The following NETO2 variants were observed in gnomAD, a reference collection of about 807,000 sequenced individuals.
The protein encoded by NETO2 is neuropilin and tolloid-like protein 2.
NETO2 carries 28 observed loss-of-function variants against 62.5 expected under a neutral mutation model. That is an observed-to-expected ratio of 0.45 (90% CI 0.33 to 0.61). The LOEUF (loss-of-function observed/expected upper bound fraction) is 0.61. NETO2 is among the 20% of genes least tolerant of loss of function. The pLI is 0.02. For missense variants in NETO2, 548 were observed against 643.2 expected (o/e 0.85, Z 1.60); for synonymous variants, 214 against 219.1 (o/e 0.98, Z 0.21).
chr16:47,129,551 G>C lies in NETO2; in HGVS notation c.92-187C>G, dbSNP rs140975696. On this transcript the variant is annotated intron_variant, in intron 2 of 8. Coordinates refer to ENST00000562435, the MANE Select transcript of NETO2 (RefSeq NM_018092.5). ...AAGAGAGGGAGGGAAAACTTGCTGG[G>C]AGAGGACAAGTTTGCCGTGTAAGAG... 1.5e-3 allele frequency among the ~76,000 whole-genome samples: 229 copies of C among 152,288 alleles called. 2 individuals are homozygous for C. Among genetic ancestry groups the C allele is most frequent in the African/African-American group, 5.3e-3 (220 of 41,560 alleles).
Position 47,122,670 on chromosome 16 carries a change from G to A in NETO2, c.641C>T (p.Thr214Ile), listed in dbSNP as rs749577712. The A allele has an allele frequency of 4.3e-6, 7 of 1,613,966 alleles. No homozygotes were observed. In the South Asian group the frequency reaches 4.4e-5, roughly 10 times the overall value. The change falls in exon 6 of 9, where the codon ACT (threonine) becomes ATT (isoleucine). Residue 214 changes from threonine (T) to isoleucine (I), a missense_variant. Coordinates refer to ENST00000562435, the MANE Select transcript of NETO2 (RefSeq NM_018092.5). ...AVDCIWTIKA[T>I]PKAKIYLRFL... ...ACATAATAATACCTTAGCTTTTGGA[G>A]TGGCTTTAATGGTCCAGATGCAATC...
chr16:47,135,342 A>C (rs1279132842), intron 1 of NETO2, among the ~76,000 whole-genome samples: 2 of 152,156 alleles, frequency 1.3e-5, no homozygotes, highest in African/African-American at 4.8e-5. Context: ...TATCTCAAAT[A>C]CAGGAAGACC....
At chr16:47,126,198 CATG>C (rs1197517328) in intron 4 of NETO2, among the ~76,000 whole-genome samples, 1 of 152,188 alleles carries the variant, frequency 6.6e-6, no homozygotes, top group Non-Finnish European at 1.5e-5. Context: ...AAAACCTGCA[CATG>C]AATAGCAGCT....
chr16:47,119,426 C>T (rs947440685), intron 6 of NETO2, among the ~76,000 whole-genome samples: 38 of 152,130 alleles, frequency 2.5e-4, no homozygotes, highest in African/African-American at 8.9e-4. Context: ...GCTGGGATTA[C>T]AGGCGTGAAC....
At chr16:47,125,985 C>A (rs1159020386) in intron 4 of NETO2, among the ~76,000 whole-genome samples, 2 of 152,166 alleles carry the variant, frequency 1.3e-5, no homozygotes, top group Non-Finnish European at 2.9e-5. Flanking sequence ...AACATTAACT[C>A]CCCTTCCCCC....
intron 7 of NETO2, among the ~76,000 whole-genome samples, chr16:47,088,353 G>A (rs147107010): frequency 1.2e-4 from 18 of 152,278 alleles, no homozygotes; most frequent in African/African-American, 3.4e-4. Flanking sequence ...TGATCTGCCT[G>A]CCTCAGCCTC....
chr16:47,127,339 G>A (rs910754186), intron 4 of NETO2, among the ~76,000 whole-genome samples: 2 of 152,108 alleles, frequency 1.3e-5, no homozygotes, highest in Non-Finnish European at 2.9e-5. Flanking sequence ...CAGGTAACAC[G>A]GTGGAGCAGG....
At chr16:47,122,959 T>C in intron 4 of NETO2, 47 bp from the exon 5 acceptor site, 1 of 1,556,862 alleles carries the variant, frequency 6.4e-7, no homozygotes, top group East Asian at 2.2e-5. Context: ...GATAGTTACT[T>C]TAATCCTCGA....
At chr16:47,085,358 G>A (rs556617344) in intron 8 of NETO2, among the ~76,000 whole-genome samples, 1 of 152,100 alleles carries the variant, frequency 6.6e-6, no homozygotes, top group East Asian at 1.9e-4. Context: ...AACAAAATAA[G>A]GGCAAGGCAT....
intron 6 of NETO2, among the ~76,000 whole-genome samples, chr16:47,114,822 T>G (rs896197909): frequency 1.3e-5 from 2 of 152,158 alleles, no homozygotes; most frequent in African/African-American, 4.8e-5. Flanking sequence ...TAAGATTCTT[T>G]TCATATATTC....
intron 4 of NETO2, among the ~76,000 whole-genome samples, chr16:47,127,770 T>C (rs1346745206): frequency 3.3e-5 from 5 of 152,356 alleles, no homozygotes; most frequent in South Asian, 2.1e-4. Flanking sequence ...ACAGCAGGCA[T>C]TCCCATTTTA....
intron 1 of NETO2, among the ~76,000 whole-genome samples, chr16:47,137,304 G>A (rs1209012645): frequency 6.6e-6 from 1 of 152,192 alleles, no homozygotes; most frequent in Admixed American, 6.5e-5. Context: ...TGGGTCTGAG[G>A]CAGGGCTTGA....
rs769584965 is a variant in NETO2 at position 47,083,838 on chromosome 16, A to G, written c.998-37T>C. The stretch of plus-strand genomic sequence containing the variant: ...AAATGAGAAACGTTAAGTTTTCAAA[A>G]TACATTAATATGAATCCTGGTACAA... On this transcript the variant is annotated intron_variant, in intron 8 of 8. Coordinates refer to ENST00000562435, the MANE Select transcript of NETO2 (RefSeq NM_018092.5). 2.2e-5 allele frequency: 31 copies of G among 1,432,358 alleles called. No homozygotes were observed. In the Admixed American group the frequency reaches 6.4e-4, roughly 30 times the overall value. The allele number at this position is 1,432,358 out of a possible 1,614,324, so 88.7% of individuals were successfully genotyped here. A position where few individuals can be genotyped will look rare whatever the true frequency, so the allele number is the denominator to read the frequency against.
chr16:47,133,614 A>C (rs1451072413), intron 1 of NETO2, among the ~76,000 whole-genome samples: 23 of 93,608 alleles, frequency 2.5e-4, no homozygotes, highest in South Asian at 1.3e-3. Context: ...CATAAAATAA[A>C]ATAAAATAAA....
Position 47,086,310 on chromosome 16 carries a change from G to A in NETO2, c.913C>T (p.His305Tyr). 5.6e-6 allele frequency: 9 copies of A among 1,613,868 alleles called. No homozygotes were observed. Among genetic ancestry groups the A allele is most frequent in the Non-Finnish European group, 7.6e-6 (9 of 1,179,836 alleles). The change falls in exon 8 of 9, where the codon CAT becomes TAT. Residue 305 changes from histidine (H) to tyrosine (Y), a missense_variant. Physicochemically the swap from His to Tyr is moderately conservative, Grantham distance 83. Transcript: ENST00000562435. ...GAATTATTGATGCACATGTTGCTAT[G>A]GCAAAAGAAAGTGCTGCTTGTGCAG... ...PPCTSSTFFC[H>Y]SNMCINNSLV...
At chr16:47,099,022 G>C (rs1963489537) in intron 7 of NETO2, among the ~76,000 whole-genome samples, 3 of 152,000 alleles carry the variant, frequency 2.0e-5, no homozygotes, top group Admixed American at 2.0e-4. Flanking sequence ...ACCACACCTG[G>C]GTAATTTTTG....
rs751281620 is a variant in NETO2 at position 47,122,902 on chromosome 16, A to C, written c.492T>G (p.Phe164Leu). The change falls in exon 5 of 9, where the codon TTT becomes TTG. Residue 164 changes from phenylalanine (F) to leucine (L), a missense_variant. Transcript: ENST00000562435. Reference sequence around the variant, plus strand: ...GATTTAAAATACCTCCTAGGTAAGTAAAGTCTGGATCTGTAACAGAAAAAA... The same window carrying C: ...GATTTAAAATACCTCCTAGGTAAGTCAAGTCTGGATCTGTAACAGAAAAAA... ...AKYSFIPDPD[F>L]TYLGGILNPI... 1.2e-5 allele frequency: 20 copies of C among 1,613,776 alleles called. No individual in the cohort carries two copies. Among genetic ancestry groups the C allele is most frequent in the Admixed American group, 1.7e-5 (1 of 59,994 alleles).
At position 47,125,288 on chromosome 16, in the gene NETO2, A is replaced by G. The variant is rs533468566; in HGVS notation, c.482-2376T>C. Among the ~76,000 whole-genome samples, 5 of 151,962 alleles carry G rather than the reference A, an allele frequency of 3.3e-5. No homozygotes were observed. The South Asian group carries it at 1.0e-3, about 32-fold the overall frequency. ...ACTCCTGTGGACTATTTCACAAGGCAGGATATCCTGTCTTTCTTTCTTTTC... is the reference window on the plus strand; with the variant it reads ...ACTCCTGTGGACTATTTCACAAGGCGGGATATCCTGTCTTTCTTTCTTTTC... On this transcript the variant is annotated intron_variant, in intron 4 of 8. Coordinates refer to ENST00000562435, the MANE Select transcript of NETO2 (RefSeq NM_018092.5).
intron 7 of NETO2, among the ~76,000 whole-genome samples, chr16:47,098,861 G>A (rs557854994): frequency 6.6e-6 from 1 of 152,258 alleles, no homozygotes; most frequent in East Asian, 1.9e-4. Flanking sequence ...CAAGAGAGTG[G>A]GGGCCAATAT....
Sources: gnomAD v4.1 joint callset for allele counts (sites outside exome capture counted in the v4.1 genomes callset) on GRCh38, gnomAD v4.1.1 for gene constraint, MANE v1.5 for transcripts, NCBI Gene and HGNC (gene_info 2026-07-23, HGNC 2026-07-21) for gene names.